CADM2: variants seen among roughly 807,000 people sequenced by gnomAD.
CADM2 encodes the protein immunoglobulin superfamily member 4D.
Under a neutral mutation model 49.8 loss-of-function variants are expected in CADM2, and 12 were observed. That is an observed-to-expected ratio of 0.24 (90% CI 0.15 to 0.39). The LOEUF (loss-of-function observed/expected upper bound fraction) is 0.39, where lower values mean the gene tolerates loss of function less well. Among genes scored for constraint, CADM2 ranks in the 10% least tolerant of loss-of-function variants. The pLI, the probability that CADM2 is intolerant of heterozygous loss-of-function variation, is 1.00. For missense variants in CADM2, 378 were observed against 492.3 expected, an observed-to-expected ratio of 0.77 and a Z score of 2.20; for synonymous variants, 214 against 175.4, an observed-to-expected ratio of 1.22 and a Z score of -1.74.
intron 1 of CADM2, among the ~76,000 whole-genome samples, chr3:85,323,705 A>G (rs541225801): frequency 1.2e-4 from 18 of 152,290 alleles, no homozygotes; most frequent in African/African-American, 3.4e-4. Flanking sequence ...TCTATTTCCA[A>G]TACATTTCTA....
intron 1 of CADM2, among the ~76,000 whole-genome samples, chr3:84,987,381 A>G (rs945253940): frequency 6.6e-6 from 1 of 152,116 alleles, no homozygotes; most frequent in Non-Finnish European, 1.5e-5. Context: ...ATTGCTTAGT[A>G]TAAAGGATTT....
chr3:85,561,767 A>T (rs548906252), intron 1 of CADM2, among the ~76,000 whole-genome samples: 1 of 152,202 alleles, frequency 6.6e-6, no homozygotes, highest in South Asian at 2.1e-4. Context: ...TAGGCAAGTG[A>T]GGTCTTGAAT....
At chr3:85,892,734 T>A (rs751311132) in intron 5 of CADM2, among the ~76,000 whole-genome samples, 4 of 152,134 alleles carry the variant, frequency 2.6e-5, no homozygotes, top group Non-Finnish European at 5.9e-5. Context: ...TGAGACAGAC[T>A]AATACACTAA....
intron 1 of CADM2, among the ~76,000 whole-genome samples, chr3:85,229,115 A>T (rs1264893072): frequency 6.6e-6 from 1 of 152,156 alleles, no homozygotes; most frequent in Non-Finnish European, 1.5e-5. Flanking sequence ...CTGTGAGCAT[A>T]AAACTGCCTA....
intron 1 of CADM2, among the ~76,000 whole-genome samples, chr3:85,214,288 G>A (rs2041871666): frequency 6.6e-6 from 1 of 152,116 alleles, no homozygotes; most frequent in Admixed American, 6.5e-5. Context: ...CACAAATAAA[G>A]TGAGTCTCTC....
intron 1 of CADM2, among the ~76,000 whole-genome samples, chr3:85,595,462 A>G (rs2063216644): frequency 6.6e-6 from 1 of 152,004 alleles, no homozygotes; most frequent in South Asian, 2.1e-4. Context: ...AACTATCTTT[A>G]TCTTATCATT....
intron 7 of CADM2, among the ~76,000 whole-genome samples, chr3:85,960,074 A>C (rs1724629073): frequency 6.6e-6 from 1 of 151,902 alleles, no homozygotes; most frequent in African/African-American, 2.4e-5. Context: ...GGAGAAGACA[A>C]AATACATATT....
At chr3:85,570,348 G>A (rs539523924) in intron 1 of CADM2, among the ~76,000 whole-genome samples, 1 of 152,002 alleles carries the variant, frequency 6.6e-6, no homozygotes, top group Non-Finnish European at 1.5e-5. Flanking sequence ...TATTACAGAG[G>A]AAATCTTTTA....
chr3:85,116,699 C>A (rs1337088296), intron 1 of CADM2, among the ~76,000 whole-genome samples: 1 of 151,824 alleles, frequency 6.6e-6, no homozygotes, highest in Non-Finnish European at 1.5e-5. Flanking sequence ...TACTTATCAG[C>A]CGTTTAATGT....
At chr3:85,907,786 C>T (rs1717001383) in intron 5 of CADM2, among the ~76,000 whole-genome samples, 1 of 151,986 alleles carries the variant, frequency 6.6e-6, no homozygotes, top group Non-Finnish European at 1.5e-5. Context: ...TGGCATACAC[C>T]TGTAATCCCA....
chr3:85,866,385 C>T (rs1213987831), intron 3 of CADM2, among the ~76,000 whole-genome samples: 9 of 152,142 alleles, frequency 5.9e-5, no homozygotes, highest in African/African-American at 1.9e-4. Flanking sequence ...TTCAGTCACT[C>T]ACTGGCCTAA....
chr3:85,655,157 G>C (rs2065159556), intron 1 of CADM2, among the ~76,000 whole-genome samples: 1 of 119,350 alleles, frequency 8.4e-6, no homozygotes, highest in African/African-American at 2.8e-5. Context: ...ATCCACCTTG[G>C]TAATTTTTTT....
chr3:85,404,202 T>C (rs1412361587), intron 1 of CADM2, among the ~76,000 whole-genome samples: 1 of 152,124 alleles, frequency 6.6e-6, no homozygotes, highest in African/African-American at 2.4e-5. Context: ...ATTGCCAAAA[T>C]TGTACAATGC....
At chr3:85,305,131 G>C (rs1195392073) in intron 1 of CADM2, among the ~76,000 whole-genome samples, 1 of 151,250 alleles carries the variant, frequency 6.6e-6, no homozygotes, top group Non-Finnish European at 1.5e-5. Flanking sequence ...ATAAATTACT[G>C]ATAAAAAATG....
At chr3:85,312,228 C>G (rs938131260) in intron 1 of CADM2, among the ~76,000 whole-genome samples, 2 of 151,796 alleles carry the variant, frequency 1.3e-5, no homozygotes, top group Non-Finnish European at 2.9e-5. Flanking sequence ...AAGATAATAT[C>G]AAGGGCATAT....
chr3:85,568,447 C>T (rs1326446846), intron 1 of CADM2, among the ~76,000 whole-genome samples: 1 of 35,802 alleles, frequency 2.8e-5, no homozygotes, highest in East Asian at 3.0e-3. Flanking sequence ...TTCTTTCTTT[C>T]TTTCTTTCTT....
At chr3:85,981,165 T>A (rs895101764) in intron 8 of CADM2, among the ~76,000 whole-genome samples, 2 of 151,414 alleles carry the variant, frequency 1.3e-5, no homozygotes, top group Non-Finnish European at 3.0e-5. Flanking sequence ...TATATGTATA[T>A]ATATATAATT....
rs1280522289 is a variant in CADM2, at chr3:85,543,425, T to TGTGGGGGTGTGTGTGTGTGG, written c.62-183094_62-183093insGGGGTGTGTGTGTGTGGGTG. ...ACCGCCACCATGCCAAGCTAATGTGTGTGTGTGTGTGTGTGTGTGTGTGTG... is the reference window on the plus strand; with the variant it reads ...ACCGCCACCATGCCAAGCTAATGTGTGTGGGGGTGTGTGTGTGTGGGTGTGTGTGTGTGTGTGTGTGTGTG... On this transcript the variant is annotated intron_variant, in intron 1 of 9. Transcript: ENST00000383699. Among the ~76,000 whole-genome samples the TGTGGGGGTGTGTGTGTGTGG allele has an allele frequency of 9.2e-3, 1,125 of 122,318 alleles. 16 individuals are homozygous for TGTGGGGGTGTGTGTGTGTGG. The highest frequency in any genetic ancestry group is 0.027 in the African/African-American group (1,045 of 38,352). 80.2% of individuals were successfully genotyped at this position (122,318 alleles called of 152,430 possible). A position where few individuals can be genotyped will look rare whatever the true frequency, so the allele number is the denominator to read the frequency against.
At chr3:85,344,400 TA>T (rs1269305436) in intron 1 of CADM2, among the ~76,000 whole-genome samples, 4 of 148,810 alleles carry the variant, frequency 2.7e-5, no homozygotes, top group Non-Finnish European at 5.9e-5. Flanking sequence ...AATAAATAAA[TA>T]AATAAATAAA....
Sources: allele counts gnomAD v4.1 joint callset (sites outside exome capture counted in the v4.1 genomes callset), GRCh38; gene constraint gnomAD v4.1.1; transcripts MANE v1.5; gene names NCBI Gene and HGNC (gene_info 2026-07-23, HGNC 2026-07-21).